Variants in CNTNAP2 observed in about 807,000 individuals in gnomAD.
CNTNAP2 encodes the protein contactin-associated protein-like 2.
Under a neutral mutation model 155.2 loss-of-function variants are expected in CNTNAP2, and 98 were observed. The ratio of observed to expected loss-of-function variants is 0.63; its 90% CI spans 0.54 to 0.75. CNTNAP2 has a LOEUF of 0.75. Among genes scored for constraint, CNTNAP2 ranks in the 30% least tolerant of loss-of-function variants. CNTNAP2 has a pLI of 0.00. For missense variants in CNTNAP2, 1,727 were observed against 1,688.1 expected, an observed-to-expected ratio of 1.02 and a Z score of -0.40; for synonymous variants, 651 against 631.2, an observed-to-expected ratio of 1.03 and a Z score of -0.47.
intron 12 of CNTNAP2, among the ~76,000 whole-genome samples, chr7:147,610,525 T>C (rs766447023): frequency 3.3e-5 from 5 of 151,974 alleles, no homozygotes; most frequent in Non-Finnish European, 5.9e-5. Flanking sequence ...CATTTTGGGG[T>C]GGTATTTTCT....
Position 147,464,072 on chromosome 7 carries a change from T to C in CNTNAP2, c.1671-21863T>C, listed in dbSNP as rs376760803. Among the ~76,000 whole-genome samples the C allele has an allele frequency of 2.2e-4, 34 of 152,216 alleles. 2 individuals carry two copies. The highest frequency in any genetic ancestry group is 8.2e-4 in the African/African-American group (34 of 41,546). On this transcript the variant is annotated intron_variant, in intron 10 of 23. Coordinates refer to ENST00000361727, the MANE Select transcript of CNTNAP2 (RefSeq NM_014141.6). The stretch of plus-strand genomic sequence containing the variant: ...ACATATGTGTGTGCTTGTTTGTTTA[T>C]TGGTGAATAAGAATTATTTAAGTAT...
chr7:147,219,993 G>T (rs2116591367), intron 8 of CNTNAP2, among the ~76,000 whole-genome samples: 1 of 138,144 alleles, frequency 7.2e-6, no homozygotes, highest in South Asian at 2.3e-4. Context: ...TTTTCACCGT[G>T]TTAGCCAGGA....
At chr7:146,935,467 C>T (rs1026771924) in intron 3 of CNTNAP2, among the ~76,000 whole-genome samples, 4 of 152,180 alleles carry the variant, frequency 2.6e-5, no homozygotes, top group Admixed American at 6.5e-5. Context: ...CCCTTTGACC[C>T]ACATCATGTG....
At chr7:146,685,314 GAT>G (rs1362025958) in intron 1 of CNTNAP2, among the ~76,000 whole-genome samples, 21 of 152,238 alleles carry the variant, frequency 1.4e-4, no homozygotes, top group Admixed American at 1.2e-3. Context: ...CATTCCTATA[GAT>G]AGATGATTTT....
intron 13 of CNTNAP2, among the ~76,000 whole-genome samples, chr7:147,664,998 A>G (rs1795671233): frequency 6.6e-6 from 1 of 152,222 alleles, no homozygotes; most frequent in Non-Finnish European, 1.5e-5. Context: ...TGATTAAAGT[A>G]TAATATTTAC....
chr7:148,168,245 A>G (rs1213038089), intron 17 of CNTNAP2, among the ~76,000 whole-genome samples: 2 of 151,978 alleles, frequency 1.3e-5, no homozygotes, highest in African/African-American at 2.4e-5. Context: ...TCATGCTGCT[A>G]TAAAGACACA....
chr7:146,428,932 G>A (rs1435622887), intron 1 of CNTNAP2, among the ~76,000 whole-genome samples: 3 of 152,042 alleles, frequency 2.0e-5, no homozygotes, highest in African/African-American at 4.8e-5. Flanking sequence ...TTTCTATCTG[G>A]TATAAGGAAG....
At chr7:147,161,257 G>A (rs186084300) in intron 8 of CNTNAP2, among the ~76,000 whole-genome samples, 1 of 152,160 alleles carries the variant, frequency 6.6e-6, no homozygotes, top group African/African-American at 2.4e-5. Flanking sequence ...GTTGCATAGC[G>A]CAACTCAGAT....
At chr7:146,256,111 T>A (rs1156440613) in intron 1 of CNTNAP2, among the ~76,000 whole-genome samples, 1 of 152,172 alleles carries the variant, frequency 6.6e-6, no homozygotes, top group African/African-American at 2.4e-5. Context: ...ATGCATAAAG[T>A]GTGTTGGGGC....
At chr7:146,966,389 C>A (rs777084202) in intron 3 of CNTNAP2, among the ~76,000 whole-genome samples, 14 of 152,198 alleles carry the variant, frequency 9.2e-5, no homozygotes, top group Non-Finnish European at 1.6e-4. Context: ...AAATGGAATT[C>A]TCCTGCCAGG....
intron 1 of CNTNAP2, among the ~76,000 whole-genome samples, chr7:146,754,079 A>G (rs928314419): frequency 2.6e-5 from 4 of 152,014 alleles, no homozygotes; most frequent in Admixed American, 2.6e-4. Context: ...CCTGCTTTCA[A>G]TAAGACACAA....
rs1308820587 is a variant in CNTNAP2 at position 146,535,382 on chromosome 7, T to C, written c.98-238889T>C. On this transcript the variant is annotated intron_variant, in intron 1 of 23. Coordinates refer to ENST00000361727, the MANE Select transcript of CNTNAP2 (RefSeq NM_014141.6). ...TATATAATGTATATTATATATGATA[T>C]AATATATGATATATATATTATATAT... 4.1e-5 allele frequency among the ~76,000 whole-genome samples: 2 copies of C among 49,036 alleles called. 1 individual carries two copies. Among genetic ancestry groups the C allele is most frequent in the East Asian group, 1.4e-3 (2 of 1,388 alleles). The allele number at this position is 49,036 out of a possible 152,430, so 32.2% of individuals were successfully genotyped here.
chr7:147,451,401 A>C (rs1316324794), intron 10 of CNTNAP2, among the ~76,000 whole-genome samples: 2 of 152,184 alleles, frequency 1.3e-5, no homozygotes, highest in Non-Finnish European at 2.9e-5. Flanking sequence ...CCAAATTTGC[A>C]CTTAAGCTTC....
chr7:146,321,498 G>T (rs995229965), intron 1 of CNTNAP2, among the ~76,000 whole-genome samples: 2 of 152,024 alleles, frequency 1.3e-5, no homozygotes, highest in Admixed American at 1.3e-4. Flanking sequence ...TCCACACTGA[G>T]AACAAAAGCA....
intron 21 of CNTNAP2, chr7:148,381,709 G>C (rs1222201596): frequency 3.3e-5 from 5 of 152,262 alleles, no homozygotes; most frequent in African/African-American, 1.2e-4. Flanking sequence ...TTGGGCTGCA[G>C]TTTCTGGCTT....
At chr7:147,962,187 A>G (rs1801129678) in intron 14 of CNTNAP2, among the ~76,000 whole-genome samples, 2 of 152,228 alleles carry the variant, frequency 1.3e-5, no homozygotes, top group African/African-American at 4.8e-5. Flanking sequence ...TTTTTGTTGA[A>G]TTAATAAGGA....
chr7:147,777,631 A>G (rs1797605793), intron 13 of CNTNAP2, among the ~76,000 whole-genome samples: 1 of 152,204 alleles, frequency 6.6e-6, no homozygotes, highest in Non-Finnish European at 1.5e-5. Context: ...AATAAAACTG[A>G]TGATTTAATC....
At chr7:146,360,142 A>G (rs1386380736) in intron 1 of CNTNAP2, among the ~76,000 whole-genome samples, 1 of 152,102 alleles carries the variant, frequency 6.6e-6, no homozygotes, top group Non-Finnish European at 1.5e-5. Flanking sequence ...GAATGCCTGA[A>G]TTTTCTATTT....
chr7:146,311,897 G>A (rs1800831618), intron 1 of CNTNAP2: 1 of 151,720 alleles, frequency 6.6e-6, no homozygotes, highest in Admixed American at 6.6e-5. Flanking sequence ...TCTATTACTT[G>A]AGATATACCA....
Sources: allele counts gnomAD v4.1 joint callset (sites outside exome capture counted in the v4.1 genomes callset), GRCh38; gene constraint gnomAD v4.1.1; transcripts MANE v1.5; gene names NCBI Gene and HGNC (gene_info 2026-07-23, HGNC 2026-07-21).